SRSF7: variants seen among roughly 807,000 people sequenced by gnomAD.
The protein encoded by SRSF7 is serine/arginine-rich splicing factor 7.
In SRSF7, 15 loss-of-function variants were observed where a neutral mutation model predicts 42.2. The ratio of observed to expected loss-of-function variants is 0.36; its 90% CI spans 0.24 to 0.55. The LOEUF is 0.55. Ranked by LOEUF, SRSF7 falls within the 20% of genes least tolerant of loss-of-function variation. The probability of loss-of-function intolerance (pLI) is 0.88; values close to 1 mark genes in which losing one functional copy is unlikely to be tolerated. For missense variants in SRSF7, 181 were observed against 305.9 expected, an observed-to-expected ratio of 0.59 and a Z score of 3.04; for synonymous variants, 138 against 107.9, an observed-to-expected ratio of 1.28 and a Z score of -1.73.
intron 3 of SRSF7, chr2:38,749,016 C>A: frequency 7.7e-7 from 1 of 1,292,318 alleles, no homozygotes; most frequent in Non-Finnish European, 1.0e-6. Flanking sequence ...GACGATCAAA[C>A]TGACAGCCAA....
Position 38,751,296 on chromosome 2 carries a change from C to T in SRSF7, c.-40G>A. 2.5e-6 allele frequency: 4 copies of T among 1,613,926 alleles called. No individual in the cohort carries two copies. The highest frequency in any genetic ancestry group is 1.3e-5 in the African/African-American group (1 of 75,068). On this transcript the variant is annotated 5_prime_UTR_variant, in exon 1 of 8. Coordinates refer to ENST00000313117, the MANE Select transcript of SRSF7 (RefSeq NM_001031684.3). ...GTGCTCGGCTCTTTAGCAAGCAGCG[C>T]CCAGGGCTCGAGTGACGCAAAAGCT...
chr2:38,746,781 A>C (rs374785697), intron 5 of SRSF7, 34 bp from the exon 6 acceptor site: 82 of 1,611,800 alleles, frequency 5.1e-5, no homozygotes, highest in Middle Eastern at 3.3e-4. Context: ...CAATTATATC[A>C]ATCAGTCCAA....
At chr2:38,749,333 TCAAA>T (rs1419849037) in intron 3 of SRSF7, 192 bp downstream of exon 3, 2 of 1,525,708 alleles carry the variant, frequency 1.3e-6, no homozygotes, top group South Asian at 2.4e-5. Context: ...GGCGACTGAC[TCAAA>T]CGAAGAAACC....
At chr2:38,745,783 G>A (rs185441885) in intron 7 of SRSF7, among the ~76,000 whole-genome samples, 429 of 152,174 alleles carry the variant, frequency 2.8e-3, no homozygotes, top group African/African-American at 9.8e-3. Flanking sequence ...ACTATTTGAA[G>A]TTTTCTGGTC....
At chr2:38,750,523 G>C (rs1452468661) in intron 1 of SRSF7, among the ~76,000 whole-genome samples, 1 of 151,564 alleles carries the variant, frequency 6.6e-6, no homozygotes, top group Non-Finnish European at 1.5e-5. Context: ...CACCGGGAGC[G>C]CGCGGGCCCG....
At chr2:38,746,897 A>C in intron 5 of SRSF7, 150 bp from the exon 6 acceptor site, 1 of 1,335,068 alleles carries the variant, frequency 7.5e-7, no homozygotes, top group Non-Finnish European at 1.0e-6. Context: ...CACACTGTCA[A>C]ACAAAGTGTT....
chr2:38,751,114 T>C, intron 1 of SRSF7, 115 bp downstream of exon 1: 1 of 1,423,068 alleles, frequency 7.0e-7, no homozygotes, highest in Non-Finnish European at 9.9e-7. Context: ...GGCGTGCTCC[T>C]AAGCCGCCAT....
intron 5 of SRSF7, among the ~76,000 whole-genome samples, chr2:38,747,489 T>C (rs1220459526): frequency 6.6e-6 from 1 of 152,206 alleles, no homozygotes; most frequent in Non-Finnish European, 1.5e-5. Flanking sequence ...TTACAATTTT[T>C]TCCATTCTAT....
intron 7 of SRSF7, among the ~76,000 whole-genome samples, 169 bp from the exon 8 acceptor site, chr2:38,745,356 A>G (rs1168041989): frequency 1.3e-5 from 2 of 152,180 alleles, no homozygotes; most frequent in South Asian, 2.1e-4. Flanking sequence ...CCCTGGCTTA[A>G]GATTAGGCTA....
At chr2:38,749,047 T>G in intron 3 of SRSF7, 1 of 1,306,118 alleles carries the variant, frequency 7.7e-7, no homozygotes, top group Non-Finnish European at 1.0e-6. Flanking sequence ...TGAGGCTTGA[T>G]TGACGCAAGA....
intron 5 of SRSF7, among the ~76,000 whole-genome samples, chr2:38,747,496 C>G (rs918150283): frequency 6.6e-6 from 1 of 152,052 alleles, no homozygotes; most frequent in South Asian, 2.1e-4. Flanking sequence ...TTTTTCCATT[C>G]TATCTCCTTT....
intron 6 of SRSF7, 33 bp from the exon 7 acceptor site, chr2:38,746,212 G>C: frequency 1.2e-6 from 2 of 1,612,582 alleles, no homozygotes; most frequent in Non-Finnish European, 1.7e-6. Flanking sequence ...ATTAAAGAAA[G>C]AGTACTAACC....
intron 2 of SRSF7, 85 bp downstream of exon 2, chr2:38,749,929 A>G: frequency 1.4e-6 from 2 of 1,446,782 alleles, no homozygotes; most frequent in Non-Finnish European, 1.9e-6. Context: ...TCTCTTCCAG[A>G]CTTCAGAATC....
chr2:38,750,935 G>A (rs1175265475), intron 1 of SRSF7: 2 of 380,718 alleles, frequency 5.3e-6, no homozygotes, highest in African/African-American at 2.1e-5. Context: ...GGGGGGGAGG[G>A]GGGCCGGCGG....
chr2:38,750,843 C>A (rs1017192727), intron 1 of SRSF7: 1 of 278,032 alleles, frequency 3.6e-6, no homozygotes, highest in East Asian at 8.5e-5. Context: ...CAGATCTGTC[C>A]GCTGAAGTGG....
chr2:38,747,908 T>C (rs1667713288), intron 5 of SRSF7, 139 bp downstream of exon 5: 1 of 576,056 alleles, frequency 1.7e-6, no homozygotes, highest in Non-Finnish European at 3.0e-6. Flanking sequence ...AATATTTATG[T>C]TACAAGTTAC....
chr2:38,744,662 TG>T lies in SRSF7; in HGVS notation c.*470del. ...AGGATCTGTCATGATGCATTCAGGC[TG>T]TATCATAAGGGACTCAGGTCATCTT... On this transcript the variant is annotated 3_prime_UTR_variant, in exon 8 of 8. Transcript: ENST00000313117. 1 of 160,426 alleles carries T rather than the reference TG, an allele frequency of 6.2e-6. No homozygotes were observed. The highest frequency in any genetic ancestry group is 1.8e-4 in the South Asian group (1 of 5,480). The allele number at this position is 160,426 out of a possible 1,614,324, so 9.9% of individuals were successfully genotyped here. A position where few individuals can be genotyped will look rare whatever the true frequency, so the allele number is the denominator to read the frequency against.
Position 38,750,067 on chromosome 2 carries a change from C to T in SRSF7, c.156G>A (p.Val52=). 6.2e-7 allele frequency: 1 copy of T among 1,613,938 alleles called. No individual in the cohort carries two copies. ...CTGCATCTCTAGGATCTTCGAATTC[C>T]ACAAAGGCAAATCCTGGAGGATTTC... ...IARNPPGFAF[V]EFEDPRDAED... The change falls in exon 2 of 8, where the codon GTG becomes GTA. Residue 52 remains valine, a synonymous_variant. Transcript: ENST00000313117.
At position 38,744,639 on chromosome 2, in the gene SRSF7, G is replaced by T; in HGVS notation, c.*494C>A. 2 of 154,498 alleles carry T rather than the reference G, an allele frequency of 1.3e-5. No homozygotes were observed. Among genetic ancestry groups the T allele is most frequent in the African/African-American group, 4.8e-5 (2 of 41,426 alleles). 9.6% of individuals were successfully genotyped at this position (154,498 alleles called of 1,614,324 possible). On this transcript the variant is annotated 3_prime_UTR_variant, in exon 8 of 8. Coordinates refer to ENST00000313117, the MANE Select transcript of SRSF7 (RefSeq NM_001031684.3). ...CTTCAAACGGATTAGCTAACTTAAG[G>T]ATCTGTCATGATGCATTCAGGCTGT...
Sources: gnomAD v4.1 joint callset for allele counts (sites outside exome capture counted in the v4.1 genomes callset) on GRCh38, gnomAD v4.1.1 for gene constraint, MANE v1.5 for transcripts, NCBI Gene and HGNC (gene_info 2026-07-23, HGNC 2026-07-21) for gene names.